AGBL4: variants seen among roughly 807,000 people sequenced by gnomAD.
AGBL4 encodes the protein AGBL carboxypeptidase 4, also known as cytosolic carboxypeptidase 6.
Under a neutral mutation model 66.4 loss-of-function variants are expected in AGBL4, and 58 were observed. That is an observed-to-expected ratio of 0.87 (90% CI 0.71 to 1.09). The LOEUF is 1.09. Ranked by LOEUF, AGBL4 falls within the 50% of genes least tolerant of loss-of-function variation. The pLI, the probability that AGBL4 is intolerant of heterozygous loss-of-function variation, is 0.00. For missense variants in AGBL4, 579 were observed against 631.0 expected (o/e 0.92, Z 0.88); for synonymous variants, 234 against 222.9 (o/e 1.05, Z -0.44).
chr1:49,607,932 G>A (rs893771767), intron 3 of AGBL4, among the ~76,000 whole-genome samples: 1 of 152,150 alleles, frequency 6.6e-6, no homozygotes, highest in African/African-American at 2.4e-5. Context: ...AAGGGAATCA[G>A]TAGACAATGT....
chr1:49,106,099 C>G (rs897879505), intron 4 of AGBL4, among the ~76,000 whole-genome samples: 5 of 152,148 alleles, frequency 3.3e-5, no homozygotes, highest in African/African-American at 1.2e-4. Context: ...CAAAATATCT[C>G]TTTCTTTGGT....
At chr1:49,709,778 C>G (rs538483319) in intron 2 of AGBL4, among the ~76,000 whole-genome samples, 1 of 151,768 alleles carries the variant, frequency 6.6e-6, no homozygotes, top group African/African-American at 2.4e-5. Context: ...AAAAAGTGGC[C>G]GAAGGATATG....
intron 4 of AGBL4, among the ~76,000 whole-genome samples, chr1:49,147,246 A>T (rs537955959): frequency 6.6e-6 from 1 of 152,264 alleles, no homozygotes; most frequent in South Asian, 2.1e-4. Context: ...AGTTTAAATG[A>T]CTGTCCCGAA....
intron 6 of AGBL4, among the ~76,000 whole-genome samples, chr1:48,776,064 G>A (rs1228106157): frequency 4.6e-5 from 7 of 152,202 alleles, no homozygotes; most frequent in Admixed American, 3.9e-4. Flanking sequence ...GCCCGGATGG[G>A]ACAAGGATGT....
intron 6 of AGBL4, among the ~76,000 whole-genome samples, chr1:48,767,415 T>A (rs549590952): frequency 6.6e-6 from 1 of 152,280 alleles, no homozygotes; most frequent in African/African-American, 2.4e-5. Context: ...TGCAGGTATC[T>A]GACACAGACT....
At chr1:49,860,412 A>C (rs1362721292) in intron 1 of AGBL4, among the ~76,000 whole-genome samples, 1 of 152,242 alleles carries the variant, frequency 6.6e-6, no homozygotes, top group Non-Finnish European at 1.5e-5. Flanking sequence ...AATAATCCAC[A>C]TGAGTCTGGG....
chr1:49,122,307 C>T (rs1375191925), intron 4 of AGBL4, among the ~76,000 whole-genome samples: 1 of 152,180 alleles, frequency 6.6e-6, no homozygotes, highest in East Asian at 1.9e-4. Flanking sequence ...ACGCTGGGAG[C>T]TGCAGACCGG....
chr1:48,942,370 G>C (rs1656065407), intron 5 of AGBL4, among the ~76,000 whole-genome samples: 1 of 151,884 alleles, frequency 6.6e-6, no homozygotes, highest in East Asian at 1.9e-4. Context: ...CTGGATTTGA[G>C]TTCTAAATTA....
intron 3 of AGBL4, among the ~76,000 whole-genome samples, chr1:49,614,998 G>A (rs569676714): frequency 6.6e-6 from 1 of 152,150 alleles, no homozygotes; most frequent in South Asian, 2.1e-4. Context: ...ACACTCCCTT[G>A]TTTTTTATAT....
At chr1:49,718,869 T>C (rs948714967) in intron 2 of AGBL4, among the ~76,000 whole-genome samples, 7 of 152,098 alleles carry the variant, frequency 4.6e-5, no homozygotes, top group African/African-American at 1.7e-4. Flanking sequence ...ATAAAATAAT[T>C]TATTTTTCTT....
intron 3 of AGBL4, among the ~76,000 whole-genome samples, chr1:49,689,773 G>A (rs1009078651): frequency 3.3e-5 from 5 of 151,850 alleles, no homozygotes; most frequent in Admixed American, 2.6e-4. Context: ...TTCCATAAAC[G>A]AGAGCTTTCA....
intron 6 of AGBL4, among the ~76,000 whole-genome samples, chr1:48,677,381 C>T (rs1032615659): frequency 3.9e-5 from 6 of 151,970 alleles, no homozygotes; most frequent in South Asian, 2.1e-4. Context: ...TTAACATATT[C>T]GCCACCACAG....
intron 2 of AGBL4, among the ~76,000 whole-genome samples, chr1:49,810,387 A>G (rs971068684): frequency 6.6e-6 from 1 of 152,228 alleles, no homozygotes; most frequent in African/African-American, 2.4e-5. Flanking sequence ...AGAATATTAT[A>G]TTCTAAAAGA....
intron 2 of AGBL4, among the ~76,000 whole-genome samples, chr1:49,822,352 G>A (rs1002001046): frequency 1.3e-5 from 2 of 148,286 alleles, no homozygotes; most frequent in Admixed American, 6.7e-5. Flanking sequence ...TGTGTGAGAC[G>A]GAGTCTCGCT....
rs527835529 is a variant in AGBL4 at position 49,784,660 on chromosome 1, C to T, written c.157+66736G>A. ...TTAAAAACGATAAATTTGACTTCAT[C>T]CAAATTCTGTGCAACAAGTGATACT... On this transcript the variant is annotated intron_variant, in intron 2 of 13. Transcript: ENST00000371839. Among the ~76,000 whole-genome samples, 5 of 151,878 alleles carry T rather than the reference C, an allele frequency of 3.3e-5. No homozygotes were observed. In the South Asian group the frequency reaches 8.3e-4, roughly 25 times the overall value.
chr1:48,784,706 C>T (rs1304758724), intron 6 of AGBL4, among the ~76,000 whole-genome samples: 2 of 152,200 alleles, frequency 1.3e-5, no homozygotes, highest in Non-Finnish European at 2.9e-5. Flanking sequence ...AGGCAAACTG[C>T]AGTCAAATTC....
chr1:49,060,778 C>G (rs936641137), intron 4 of AGBL4, among the ~76,000 whole-genome samples: 1 of 152,030 alleles, frequency 6.6e-6, no homozygotes, highest in East Asian at 1.9e-4. Context: ...CTCCCTGGAC[C>G]CCTGTCCTCC....
At position 48,736,248 on chromosome 1, in the gene AGBL4, T is replaced by C. The variant is rs2148575830; in HGVS notation, c.635-73007A>G. 1 of 1,614,052 alleles carries C rather than the reference T, an allele frequency of 6.2e-7. No homozygotes were observed. Among genetic ancestry groups the C allele is most frequent in the Non-Finnish European group, 8.5e-7 (1 of 1,179,896 alleles). On this transcript the variant is annotated intron_variant, in intron 6 of 13. Coordinates refer to ENST00000371839, the MANE Select transcript of AGBL4 (RefSeq NM_032785.4). The surrounding 1 kb of genome is among the most constrained non-coding windows in gnomAD (Gnocchi z 4.0). ...CCACTCAGTGACCTACCTCTGACGATGCTTAGTTTGTGAGGCGAGAGGGGT... is the reference window on the plus strand; with the variant it reads ...CCACTCAGTGACCTACCTCTGACGACGCTTAGTTTGTGAGGCGAGAGGGGT...
At chr1:48,530,242 A>C (rs1346966615), downstream of AGBL4, among the ~76,000 whole-genome samples, 1 of 152,162 alleles carries the variant, frequency 6.6e-6, no homozygotes, top group Non-Finnish European at 1.5e-5. Flanking sequence ...CTCATCTTCG[A>C]AGTGTAGAAA....
Sources: allele counts gnomAD v4.1 joint callset (sites outside exome capture counted in the v4.1 genomes callset), GRCh38; gene constraint gnomAD v4.1.1; non-coding constraint Gnocchi (gnomAD v3.1); transcripts MANE v1.5; gene names NCBI Gene and HGNC (gene_info 2026-07-23, HGNC 2026-07-21).